The following VPS54 variants were observed in gnomAD, a reference collection of about 807,000 sequenced individuals.
The protein encoded by VPS54 is VPS54 subunit of GARP complex.
Under a neutral mutation model 121.5 loss-of-function variants are expected in VPS54, and 45 were observed. The ratio of observed to expected loss-of-function variants is 0.37; its 90% CI spans 0.29 to 0.47. The LOEUF is 0.47. Among genes scored for constraint, VPS54 ranks in the 20% least tolerant of loss-of-function variants. The pLI is 0.99. For synonymous variants in VPS54, 371 were observed against 385.8 expected, an observed-to-expected ratio of 0.96 and a Z score of 0.45; for missense variants, 1,090 against 1,131.4, an observed-to-expected ratio of 0.96 and a Z score of 0.52.
intron 1 of VPS54, among the ~76,000 whole-genome samples, chr2:64,013,647 TATAG>T (rs973390417): frequency 3.4e-4 from 49 of 146,216 alleles, no homozygotes; most frequent in East Asian, 3.0e-3. Flanking sequence ...TATATCAATA[TATAG>T]ATATATATTG....
At chr2:64,017,629 C>G (rs553220403) in intron 1 of VPS54, among the ~76,000 whole-genome samples, 1 of 152,260 alleles carries the variant, frequency 6.6e-6, no homozygotes, top group Non-Finnish European at 1.5e-5. Context: ...ACAAAACAGT[C>G]TTTACGATTT....
At chr2:63,975,034 G>A (rs529100729) in intron 3 of VPS54, 36 of 1,548,828 alleles carry the variant, frequency 2.3e-5, no homozygotes, top group Admixed American at 3.9e-5. Context: ...ATTAGCTACA[G>A]AGTTTTTGTA....
At chr2:64,000,651 G>A (rs1220387959) in intron 1 of VPS54, among the ~76,000 whole-genome samples, 1 of 152,238 alleles carries the variant, frequency 6.6e-6, no homozygotes. Flanking sequence ...TACCACCTTG[G>A]TAGTCTTGAA....
chr2:63,941,682 A>T (rs1277554055), intron 11 of VPS54, among the ~76,000 whole-genome samples: 3 of 152,206 alleles, frequency 2.0e-5, no homozygotes, highest in Admixed American at 2.0e-4. Flanking sequence ...AAAATAATTA[A>T]ATGTAACACA....
chr2:63,922,221 A>T (rs1673679459), intron 12 of VPS54, among the ~76,000 whole-genome samples: 1 of 152,308 alleles, frequency 6.6e-6, no homozygotes, highest in African/African-American at 2.4e-5. Context: ...TTCTATTTTT[A>T]AACATTTTCC....
At chr2:63,923,130 A>G (rs1237566344) in intron 12 of VPS54, among the ~76,000 whole-genome samples, 1 of 151,998 alleles carries the variant, frequency 6.6e-6, no homozygotes, top group Non-Finnish European at 1.5e-5. Flanking sequence ...TGGCTAACAC[A>G]TGGTGAAACC....
At position 63,893,188 on chromosome 2, in the gene VPS54, G is replaced by C; in HGVS notation, c.*242C>G. 3.7e-6 allele frequency: 2 copies of C among 546,754 alleles called. No homozygotes were observed. Among genetic ancestry groups the C allele is most frequent in the Non-Finnish European group, 6.6e-6 (2 of 302,186 alleles). The allele number at this position is 546,754 out of a possible 1,614,324, so 33.9% of individuals were successfully genotyped here. On this transcript the variant is annotated 3_prime_UTR_variant, in exon 23 of 23. Transcript: ENST00000272322. ...AAAGAAACCTGAGTCTGTTTCCAGAGAGAATGAAAAATGTTATAGACACCT... is the reference window on the plus strand; with the variant it reads ...AAAGAAACCTGAGTCTGTTTCCAGACAGAATGAAAAATGTTATAGACACCT...
At chr2:63,949,297 G>A in intron 7 of VPS54, 134 bp from the exon 8 acceptor site, 1 of 870,196 alleles carries the variant, frequency 1.1e-6, no homozygotes, top group Non-Finnish European at 1.7e-6. Flanking sequence ...TTCAAAAAAT[G>A]AAGTCCTTTA....
chr2:63,945,542 T>TA (rs1215145102), intron 9 of VPS54, among the ~76,000 whole-genome samples: 2 of 151,848 alleles, frequency 1.3e-5, no homozygotes, highest in South Asian at 2.1e-4. Flanking sequence ...GAACTTAAGA[T>TA]AAAAAAAAAT....
intron 15 of VPS54, among the ~76,000 whole-genome samples, chr2:63,918,905 G>C (rs755712519): frequency 9.9e-5 from 15 of 151,952 alleles, no homozygotes; most frequent in Non-Finnish European, 1.9e-4. Context: ...TCACTCCACT[G>C]AATTACTGAG....
At chr2:63,915,463 A>G (rs1026058030) in intron 16 of VPS54, among the ~76,000 whole-genome samples, 1 of 152,212 alleles carries the variant, frequency 6.6e-6, no homozygotes, top group African/African-American at 2.4e-5. Context: ...TTTCTCCTAG[A>G]GTCTGCCTAA....
intron 20 of VPS54, among the ~76,000 whole-genome samples, 185 bp downstream of exon 20, chr2:63,912,160 T>A (rs559606011): frequency 6.6e-6 from 1 of 152,240 alleles, no homozygotes; most frequent in African/African-American, 2.4e-5. Flanking sequence ...TAGACCACTA[T>A]GGGGGGTCTT....
At chr2:63,925,690 T>C (rs6759833) in intron 12 of VPS54, among the ~76,000 whole-genome samples, 1,963 of 152,340 alleles carry the variant, frequency 0.013, 30 homozygotes, top group African/African-American at 0.041. Flanking sequence ...TGTAACAACC[T>C]GGATAGATAT....
intron 3 of VPS54, among the ~76,000 whole-genome samples, chr2:63,976,026 G>A (rs564428804): frequency 2.8e-4 from 42 of 152,248 alleles, no homozygotes; most frequent in African/African-American, 6.3e-4. Context: ...CGACACGCCC[G>A]GTACATTCTT....
At chr2:64,013,677 T>C (rs893497824) in intron 1 of VPS54, among the ~76,000 whole-genome samples, 1 of 146,746 alleles carries the variant, frequency 6.8e-6, no homozygotes, top group Non-Finnish European at 1.5e-5. Flanking sequence ...TATATCTATA[T>C]ATTGATATAT....
chr2:63,893,896 CTAAAA>C (rs1399675377), intron 22 of VPS54, among the ~76,000 whole-genome samples: 1 of 152,084 alleles, frequency 6.6e-6, no homozygotes, highest in Non-Finnish European at 1.5e-5. Flanking sequence ...GGAGTGCTGA[CTAAAA>C]TAGTAAACTC....
rs1672998480 is a variant in VPS54, at chr2:63,908,472, GCAGT to G, written c.2625+3869_2625+3872del. On this transcript the variant is annotated intron_variant, in intron 20 of 22. Coordinates refer to ENST00000272322, the MANE Select transcript of VPS54 (RefSeq NM_016516.3). ...GCTTACCAATGATGTTCTATAACTT[GCAGT>G]TATACTATCTGTATTTAGATACAGA... Among the ~76,000 whole-genome samples, 4 of 152,064 alleles carry G rather than the reference GCAGT, an allele frequency of 2.6e-5. No homozygotes were observed. In the South Asian group the frequency reaches 8.3e-4, roughly 32 times the overall value.
intron 6 of VPS54, 67 bp from the exon 7 acceptor site, chr2:63,962,510 T>C (rs1675816777): frequency 1.4e-6 from 2 of 1,476,000 alleles, no homozygotes; most frequent in African/African-American, 1.4e-5. Context: ...CCAAATACTT[T>C]ATGACAATGA....
At chr2:63,935,874 G>A (rs1360515902) in intron 11 of VPS54, among the ~76,000 whole-genome samples, 1 of 152,040 alleles carries the variant, frequency 6.6e-6, no homozygotes, top group Non-Finnish European at 1.5e-5. Context: ...TTCTAAATTT[G>A]GCTTAATCGA....
Sources: gnomAD v4.1 joint callset for allele counts (sites outside exome capture counted in the v4.1 genomes callset) on GRCh38, gnomAD v4.1.1 for gene constraint, MANE v1.5 for transcripts, NCBI Gene and HGNC (gene_info 2026-07-23, HGNC 2026-07-21) for gene names.